Variants in MPDZ observed in about 807,000 individuals in gnomAD.
The protein encoded by MPDZ is multiple PDZ domain protein.
A neutral mutation model predicts 239.1 loss-of-function variants in MPDZ; 234 were observed. The observed-to-expected ratio is 0.98, with a 90% CI of 0.88 to 1.09. MPDZ has a LOEUF of 1.09. MPDZ is among the 50% of genes least tolerant of loss of function. The pLI is 0.00. For synonymous variants in MPDZ, 1,048 were observed against 881.3 expected, an observed-to-expected ratio of 1.19 and a Z score of -3.35; for missense variants, 3,175 against 2,510.0, an observed-to-expected ratio of 1.26 and a Z score of -5.66.
chr9:13,243,071 C>T (rs1276236691), intron 3 of MPDZ, among the ~76,000 whole-genome samples: 1 of 152,124 alleles, frequency 6.6e-6, no homozygotes, highest in African/African-American at 2.4e-5. Flanking sequence ...TTTTCAAGAC[C>T]CATTTTCCAT....
chr9:13,169,409 G>T (rs1232116616), intron 21 of MPDZ, among the ~76,000 whole-genome samples: 1 of 152,038 alleles, frequency 6.6e-6, no homozygotes, highest in East Asian at 1.9e-4. Context: ...AGAAATACCG[G>T]GGTCTTTCTT....
chr9:13,244,617 G>A (rs976735623), intron 3 of MPDZ, among the ~76,000 whole-genome samples: 9 of 152,132 alleles, frequency 5.9e-5, no homozygotes, highest in African/African-American at 1.9e-4. Context: ...TATTTAAATA[G>A]CACATCCCTT....
chr9:13,112,920 C>T, intron 42 of MPDZ, 91 bp downstream of exon 42: 2 of 1,255,752 alleles, frequency 1.6e-6, no homozygotes, highest in Non-Finnish European at 2.3e-6. Flanking sequence ...GAGATGAATA[C>T]TTTAAAACCG....
chr9:13,253,386 G>A (rs546316453), intron 1 of MPDZ, among the ~76,000 whole-genome samples: 2 of 152,134 alleles, frequency 1.3e-5, no homozygotes, highest in East Asian at 3.9e-4. Flanking sequence ...TAGCAACCAT[G>A]ACAAAAAAAT....
intron 25 of MPDZ, among the ~76,000 whole-genome samples, chr9:13,149,186 G>A (rs1332962295): frequency 2.0e-5 from 3 of 151,664 alleles, no homozygotes; most frequent in Admixed American, 2.0e-4. Flanking sequence ...CCTTATAAAC[G>A]GTCATCAAAA....
rs765217720 is a variant in MPDZ, at chr9:13,122,083, A to G, written c.5037+4T>C. Reference sequence around the variant, plus strand: ...TTTGAAGGTCAAAAACAGGCATTCTATACCTCTAAGATCTGATCTCCAGCC... The same window carrying G: ...TTTGAAGGTCAAAAACAGGCATTCTGTACCTCTAAGATCTGATCTCCAGCC... On this transcript the variant is annotated splice_donor_region_variant and intron_variant, in intron 37 of 46. Coordinates refer to ENST00000319217, the MANE Select transcript of MPDZ (RefSeq NM_001378778.1). 3.7e-6 allele frequency: 6 copies of G among 1,612,836 alleles called. No homozygotes were observed. Among genetic ancestry groups the G allele is most frequent in the South Asian group, 3.3e-5 (3 of 91,074 alleles).
At chr9:13,265,120 TA>T (rs1971512979) in intron 1 of MPDZ, among the ~76,000 whole-genome samples, 1 of 152,186 alleles carries the variant, frequency 6.6e-6, no homozygotes, top group Non-Finnish European at 1.5e-5. Flanking sequence ...GGGGGAAATC[TA>T]AAACATGCAG....
At position 13,183,479 on chromosome 9, in the gene MPDZ, T is replaced by C. The variant is rs1184800024; in HGVS notation, c.2588A>G (p.His863Arg). 1 of 1,612,344 alleles carries C rather than the reference T, an allele frequency of 6.2e-7. No homozygotes were observed. ...CAGGCCATCACCACAAGAACTGCCA[T>C]GAAGAGATAAAATAGAGGCTTGAGT... ...YSTQASILSL[H>R]GSSCGDGLNY... The change falls in exon 19 of 47, where the codon CAT (histidine) becomes CGT (arginine). Residue 863 changes from histidine (H) to arginine (R), a missense_variant. Physicochemically the swap from His to Arg is conservative, Grantham distance 29 (BLOSUM62 0). Coordinates refer to ENST00000319217, the MANE Select transcript of MPDZ (RefSeq NM_001378778.1).
chr9:13,160,020 G>A (rs1318429238), intron 23 of MPDZ, among the ~76,000 whole-genome samples: 3 of 152,130 alleles, frequency 2.0e-5, no homozygotes, highest in East Asian at 3.9e-4. Context: ...ACCAGGTAAA[G>A]TAACTGGCAG....
intron 21 of MPDZ, among the ~76,000 whole-genome samples, chr9:13,172,372 C>T (rs1240128990): frequency 3.7e-5 from 5 of 133,616 alleles, no homozygotes; most frequent in Non-Finnish European, 7.7e-5. Flanking sequence ...ACTTAAATGT[C>T]TTACTTTGTT....
intron 3 of MPDZ, among the ~76,000 whole-genome samples, chr9:13,228,171 A>C (rs1233727861): frequency 6.6e-6 from 1 of 152,136 alleles, no homozygotes; most frequent in African/African-American, 2.4e-5. Context: ...TAATTTATGG[A>C]AGTTGTTAGT....
At chr9:13,121,362 T>G (rs930465965) in intron 38 of MPDZ, among the ~76,000 whole-genome samples, 1 of 152,180 alleles carries the variant, frequency 6.6e-6, no homozygotes, top group Non-Finnish European at 1.5e-5. Flanking sequence ...CAAAGCATCT[T>G]TGTCACTCAT....
chr9:13,109,025 C>A lies in MPDZ; in HGVS notation c.5977G>T (p.Gly1993Ter). 6.3e-7 allele frequency: 1 copy of A among 1,583,996 alleles called. No individual in the cohort carries two copies. The highest frequency in any genetic ancestry group is 1.3e-5 in the African/African-American group (1 of 74,236). Residue 1993 changes from glycine (G) to a stop codon, truncating the protein, a stop_gained, in exon 46 of 47, where the codon GGA becomes TGA. Transcript: ENST00000319217. LOFTEE classifies it high-confidence loss of function. ...PQCKSITLER[G>*]PDGLGFSIVG... ...ATACTGAAGCCTAAGCCATCTGGTCCTCGCTCTAGTGTAATAGACTTACAT... is the reference window on the plus strand; with the variant it reads ...ATACTGAAGCCTAAGCCATCTGGTCATCGCTCTAGTGTAATAGACTTACAT...
At chr9:13,226,179 C>A (rs1354077894) in intron 3 of MPDZ, among the ~76,000 whole-genome samples, 1 of 152,052 alleles carries the variant, frequency 6.6e-6, no homozygotes, top group Non-Finnish European at 1.5e-5. Flanking sequence ...GCCCTCAAAT[C>A]GTGCTGTCTG....
chr9:13,199,309 A>G (rs1956099586), intron 12 of MPDZ, among the ~76,000 whole-genome samples: 1 of 151,778 alleles, frequency 6.6e-6, no homozygotes, highest in Non-Finnish European at 1.5e-5. Context: ...TCTTTTTTGG[A>G]TTATTTGCTG....
At chr9:13,129,963 A>C (rs2131972342) in intron 32 of MPDZ, among the ~76,000 whole-genome samples, 1 of 152,344 alleles carries the variant, frequency 6.6e-6, no homozygotes, top group African/African-American at 2.4e-5. Context: ...TTGGAGAATT[A>C]TTTTGAAGGT....
intron 23 of MPDZ, among the ~76,000 whole-genome samples, chr9:13,158,400 A>G (rs1950083276): frequency 6.6e-6 from 1 of 152,112 alleles, no homozygotes; most frequent in African/African-American, 2.4e-5. Flanking sequence ...AGGAATGGGG[A>G]AAATAGGATA....
chr9:13,162,189 A>T (rs536955276), intron 23 of MPDZ, among the ~76,000 whole-genome samples: 19 of 152,030 alleles, frequency 1.2e-4, no homozygotes, highest in South Asian at 6.2e-4. Context: ...GCATGAACCC[A>T]GGAGGTAGAG....
intron 26 of MPDZ, among the ~76,000 whole-genome samples, chr9:13,146,283 A>G (rs1357192645): frequency 2.0e-5 from 3 of 152,034 alleles, no homozygotes; most frequent in Non-Finnish European, 4.4e-5. Flanking sequence ...ATTAAAATAA[A>G]TCTGGTCACT....
Sources: allele counts gnomAD v4.1 joint callset (sites outside exome capture counted in the v4.1 genomes callset), GRCh38; gene constraint gnomAD v4.1.1; transcripts MANE v1.5; gene names NCBI Gene and HGNC (gene_info 2026-07-23, HGNC 2026-07-21).